Variants in BCAS1 observed in about 807,000 individuals in gnomAD.
BCAS1 encodes breast carcinoma-amplified sequence 1.
A neutral mutation model predicts 65.4 loss-of-function variants in BCAS1; 46 were observed. That is an observed-to-expected ratio of 0.70 (90% CI 0.55 to 0.90). The LOEUF (loss-of-function observed/expected upper bound fraction) is 0.90. BCAS1 is among the 40% of genes least tolerant of loss of function. The probability of loss-of-function intolerance (pLI) is 0.00; values close to 1 mark genes in which losing one functional copy is unlikely to be tolerated. For missense variants in BCAS1, 793 were observed against 771.2 expected, an observed-to-expected ratio of 1.03 and a Z score of -0.33; for synonymous variants, 298 against 293.5, an observed-to-expected ratio of 1.02 and a Z score of -0.16.
rs149600099 is a variant in BCAS1 at position 53,986,727 on chromosome 20, A to C, written c.1063-1228T>G. Among the ~76,000 whole-genome samples the C allele has an allele frequency of 8.5e-5, 13 of 152,124 alleles. No homozygotes were observed. The East Asian group carries it at 2.3e-3, about 27-fold the overall frequency. On this transcript the variant is annotated intron_variant, in intron 7 of 12. Coordinates refer to ENST00000688948, the MANE Select transcript of BCAS1 (RefSeq NM_001366298.2). ...AGCCTGGGCAACATGGTGAAACCCT[A>C]TCTCTACAAATAATAAAAAATTAGC...
intron 4 of BCAS1, among the ~76,000 whole-genome samples, chr20:54,015,519 G>A (rs1431633064): frequency 2.0e-5 from 3 of 151,762 alleles, no homozygotes; most frequent in Non-Finnish European, 4.4e-5. Flanking sequence ...TCAAGCCCAT[G>A]GCAAAAACAG....
intron 7 of BCAS1, among the ~76,000 whole-genome samples, chr20:53,987,909 A>G (rs1263222712): frequency 2.6e-5 from 4 of 152,174 alleles, no homozygotes; most frequent in Non-Finnish European, 5.9e-5. Context: ...GTATCGGAGC[A>G]AAGAGTGGCC....
intron 1 of BCAS1, among the ~76,000 whole-genome samples, chr20:54,062,497 A>G (rs2092388221): frequency 6.6e-6 from 1 of 152,250 alleles, no homozygotes; most frequent in Non-Finnish European, 1.5e-5. Flanking sequence ...AAGTATCTCT[A>G]TCTAAATTCA....
At chr20:53,951,455 G>C (rs952699359) in intron 12 of BCAS1, among the ~76,000 whole-genome samples, 3 of 152,166 alleles carry the variant, frequency 2.0e-5, no homozygotes, top group African/African-American at 4.8e-5. Context: ...TGGGCAACAA[G>C]AGCGAAACTC....
chr20:54,017,011 C>T (rs1169179254), intron 4 of BCAS1, among the ~76,000 whole-genome samples: 1 of 152,118 alleles, frequency 6.6e-6, no homozygotes, highest in Non-Finnish European at 1.5e-5. Context: ...TAGCCCAGGG[C>T]CTTAGCATGG....
intron 12 of BCAS1, among the ~76,000 whole-genome samples, chr20:53,946,532 T>TAG (rs201582655): frequency 1.4e-5 from 2 of 145,914 alleles, no homozygotes; most frequent in Non-Finnish European, 1.5e-5. Context: ...CACACACACA[T>TAG]AGAGAGAGTA....
At chr20:54,003,049 G>A (rs2091095838) in intron 4 of BCAS1, among the ~76,000 whole-genome samples, 1 of 152,102 alleles carries the variant, frequency 6.6e-6, no homozygotes, top group Non-Finnish European at 1.5e-5. Context: ...CTCACAGGTT[G>A]AGGAACCCCA....
At chr20:54,020,674 G>T (rs1457238058) in intron 4 of BCAS1, among the ~76,000 whole-genome samples, 1 of 152,194 alleles carries the variant, frequency 6.6e-6, no homozygotes. Flanking sequence ...ATAAAAAATG[G>T]TCACGTCTCT....
intron 4 of BCAS1, among the ~76,000 whole-genome samples, chr20:54,020,650 G>T (rs1403496220): frequency 6.6e-6 from 1 of 152,206 alleles, no homozygotes; most frequent in Non-Finnish European, 1.5e-5. Context: ...TAGGCATTGG[G>T]AATACTCAGT....
intron 8 of BCAS1, among the ~76,000 whole-genome samples, chr20:53,983,447 A>G (rs1335568836): frequency 6.6e-6 from 1 of 152,150 alleles, no homozygotes; most frequent in Non-Finnish European, 1.5e-5. Flanking sequence ...ATAGAGACAA[A>G]CTGAGACTCA....
chr20:54,063,162 G>A (rs2092396447), intron 1 of BCAS1, among the ~76,000 whole-genome samples: 2 of 152,176 alleles, frequency 1.3e-5, no homozygotes, highest in African/African-American at 4.8e-5. Context: ...CCAGCCCAGT[G>A]CTGAAGCTCT....
At chr20:54,052,803 T>A (rs1049236583) in intron 3 of BCAS1, among the ~76,000 whole-genome samples, 4 of 152,112 alleles carry the variant, frequency 2.6e-5, no homozygotes, top group East Asian at 1.9e-4. Flanking sequence ...GAGAAAAAAA[T>A]TTCTACTTTT....
In BCAS1 at chr20:54,020,763, A is replaced by C. The variant is rs375561080; in HGVS notation, c.723+7629T>G. Among the ~76,000 whole-genome samples, 18 of 152,376 alleles carry C rather than the reference A, an allele frequency of 1.2e-4. 1 individual carries two copies. Among genetic ancestry groups the C allele is most frequent in the East Asian group, 3.9e-4 (2 of 5,194 alleles). On this transcript the variant is annotated intron_variant, in intron 4 of 12. Transcript: ENST00000688948. ...CAAATTTCAGACTGTGATCATTAGC[A>C]GATTTAAAAATAAGGTAGTGGGTCA...
At chr20:54,048,780 G>C (rs180977774) in intron 3 of BCAS1, among the ~76,000 whole-genome samples, 9 of 152,170 alleles carry the variant, frequency 5.9e-5, no homozygotes, top group Admixed American at 1.3e-4. Flanking sequence ...CTTGCCCTTC[G>C]GCCTTATTAT....
chr20:54,047,601 T>G (rs914787269), intron 3 of BCAS1, among the ~76,000 whole-genome samples: 6 of 152,192 alleles, frequency 3.9e-5, no homozygotes, highest in African/African-American at 1.4e-4. Flanking sequence ...TGTTCAGAAC[T>G]CTCTGTTATT....
intron 10 of BCAS1, among the ~76,000 whole-genome samples, chr20:53,964,369 A>T (rs546739419): frequency 6.6e-6 from 1 of 152,324 alleles, no homozygotes; most frequent in Non-Finnish European, 1.5e-5. Context: ...CACAGTATAA[A>T]TATAGTGTTG....
chr20:54,050,541 C>T (rs1036584044), intron 3 of BCAS1, among the ~76,000 whole-genome samples: 34 of 152,202 alleles, frequency 2.2e-4, no homozygotes, highest in Non-Finnish European at 4.4e-5. Flanking sequence ...ATTCTTTTTA[C>T]GTATAGAGCA....
intron 8 of BCAS1, among the ~76,000 whole-genome samples, chr20:53,982,401 T>A (rs1019368333): frequency 6.6e-6 from 1 of 152,228 alleles, no homozygotes; most frequent in African/African-American, 2.4e-5. Flanking sequence ...GGTATTTTTT[T>A]ATTTTATAAT....
chr20:53,966,374 G>C (rs2090026284), intron 10 of BCAS1, among the ~76,000 whole-genome samples: 1 of 152,148 alleles, frequency 6.6e-6, no homozygotes, highest in Admixed American at 6.5e-5. Context: ...AAGTAACTCA[G>C]GAATGGAAAA....
Sources: gnomAD v4.1 joint callset for allele counts (sites outside exome capture counted in the v4.1 genomes callset) on GRCh38, gnomAD v4.1.1 for gene constraint, MANE v1.5 for transcripts, NCBI Gene and HGNC (gene_info 2026-07-23, HGNC 2026-07-21) for gene names.